CHRM3: variants seen among roughly 807,000 people sequenced by gnomAD.
The protein encoded by CHRM3 is muscarinic acetylcholine receptor M3.
In CHRM3, 11 loss-of-function variants were observed where a neutral mutation model predicts 41.8. The observed-to-expected ratio is 0.26, with a 90% CI of 0.17 to 0.44. The LOEUF is 0.44. Ranked by LOEUF, CHRM3 falls within the 20% of genes least tolerant of loss-of-function variation. The pLI is 1.00. For missense variants in CHRM3, 571 were observed against 745.4 expected, an observed-to-expected ratio of 0.77 and a Z score of 2.72; for synonymous variants, 297 against 301.4, an observed-to-expected ratio of 0.99 and a Z score of 0.15.
intron 1 of CHRM3, among the ~76,000 whole-genome samples, chr1:239,425,637 G>A (rs73114779): frequency 1.8e-3 from 281 of 152,218 alleles, no homozygotes; most frequent in African/African-American, 6.5e-3. Flanking sequence ...ATAAAGGCAC[G>A]TGGTAAACGA....
intron 5 of CHRM3, among the ~76,000 whole-genome samples, chr1:239,691,237 T>C (rs1659686131): frequency 6.6e-6 from 1 of 152,182 alleles, no homozygotes; most frequent in African/African-American, 2.4e-5. Context: ...GGCTTTTATT[T>C]GAAACTTGCA....
intron 5 of CHRM3, among the ~76,000 whole-genome samples, chr1:239,750,222 A>G (rs1051396055): frequency 6.6e-6 from 1 of 152,196 alleles, no homozygotes; most frequent in African/African-American, 2.4e-5. Flanking sequence ...GATTTAGTAA[A>G]TGTGTGCAGA....
intron 6 of CHRM3, among the ~76,000 whole-genome samples, chr1:239,886,791 G>C (rs1246843583): frequency 6.6e-6 from 1 of 152,150 alleles, no homozygotes; most frequent in East Asian, 1.9e-4. Context: ...AACGTATGCT[G>C]TGTTCCAGCC....
chr1:239,650,226 ATTC>A (rs1672113812), intron 4 of CHRM3, among the ~76,000 whole-genome samples: 1 of 152,324 alleles, frequency 6.6e-6, no homozygotes, highest in African/African-American at 2.4e-5. Flanking sequence ...TGATTAAATG[ATTC>A]TTCTTATAGG....
chr1:239,884,647 A>G (rs1316345501), intron 6 of CHRM3, among the ~76,000 whole-genome samples: 1 of 152,192 alleles, frequency 6.6e-6, no homozygotes, highest in Non-Finnish European at 1.5e-5. Context: ...TGGGTGGGAA[A>G]GGGTAGGAAA....
chr1:239,430,779 TG>T lies in CHRM3; in HGVS notation c.-521+43553del, dbSNP rs1326750977. Among the ~76,000 whole-genome samples, 7 of 150,066 alleles carry T rather than the reference TG, an allele frequency of 4.7e-5. No individual in the cohort carries two copies. In the East Asian group the frequency reaches 1.4e-3, roughly 29 times the overall value. ...AGAGTCTGATTAGAGTTTAGCTTTT[TG>T]CTTTTTTTTTTTGGCATTTCTTTTT... On this transcript the variant is annotated intron_variant, in intron 1 of 6. Transcript: ENST00000676153.
At chr1:239,901,241 C>A (rs571247054) in intron 6 of CHRM3, among the ~76,000 whole-genome samples, 1 of 152,216 alleles carries the variant, frequency 6.6e-6, no homozygotes, top group African/African-American at 2.4e-5. Flanking sequence ...GAGTGTAAGG[C>A]AAGATTCCAA....
At chr1:239,794,173 A>G (rs376961489) in intron 5 of CHRM3, among the ~76,000 whole-genome samples, 50 of 152,134 alleles carry the variant, frequency 3.3e-4, no homozygotes, top group African/African-American at 1.1e-3. Context: ...AATTTTGAGT[A>G]GAGAGTATAG....
Position 239,525,810 on chromosome 1 carries a change from A to T in CHRM3, c.-421-19831A>T, listed in dbSNP as rs367984537. On this transcript the variant is annotated intron_variant, in intron 2 of 6. Transcript: ENST00000676153. ...TGGAACAAGGGCATGTAGGCAAAAG[A>T]TGTAAATGCTTTCCACAGCCTGTTG... Among the ~76,000 whole-genome samples, 4 of 152,348 alleles carry T rather than the reference A, an allele frequency of 2.6e-5. No homozygotes were observed. In the East Asian group the frequency reaches 5.8e-4, roughly 22 times the overall value.
intron 5 of CHRM3, among the ~76,000 whole-genome samples, chr1:239,742,838 C>T (rs755410860): frequency 1.4e-4 from 21 of 152,206 alleles, no homozygotes; most frequent in Non-Finnish European, 2.2e-4. Flanking sequence ...CACTCAGAAA[C>T]CATGACCTCG....
rs1553292122 is a variant in CHRM3, at chr1:239,399,736, C to CATTCTTCTGTTGATAGACATTT, written c.-521+12528_-521+12529insTTTATTCTTCTGTTGATAGACA. ...GTATATATACCACATTTTCTTTCTC[C>CATTCTTCTGTTGATAGACATTT]ATTCTTCTGTTGATAGACACTTAGT... On this transcript the variant is annotated intron_variant, in intron 1 of 6. Transcript: ENST00000676153. Among the ~76,000 whole-genome samples, 231 of 150,954 alleles carry CATTCTTCTGTTGATAGACATTT rather than the reference C, an allele frequency of 1.5e-3. 1 individual carries two copies. Among genetic ancestry groups the CATTCTTCTGTTGATAGACATTT allele is most frequent in the Admixed American group, 3.5e-3 (53 of 15,062 alleles).
intron 1 of CHRM3, among the ~76,000 whole-genome samples, chr1:239,406,331 G>A (rs945710814): frequency 3.3e-5 from 5 of 152,222 alleles, no homozygotes; most frequent in South Asian, 2.1e-4. Flanking sequence ...GCTCCAGGAA[G>A]TATGCAGTTT....
At chr1:239,529,187 A>G (rs1670198664) in intron 2 of CHRM3, among the ~76,000 whole-genome samples, 1 of 152,240 alleles carries the variant, frequency 6.6e-6, no homozygotes, top group Admixed American at 6.5e-5. Context: ...TGGAGGTGAT[A>G]CATCACACCA....
Position 239,849,548 on chromosome 1 carries a change from A to G in CHRM3, c.-20+22170A>G, listed in dbSNP as rs117236977. ...TAATAAAAATATAACATTTGTATCA[A>G]AAGACACAAACGTGTTTTGCTGCAA... is the stretch of plus-strand genomic sequence containing the variant. On this transcript the variant is annotated intron_variant, in intron 6 of 6. Coordinates refer to ENST00000676153, the MANE Select transcript of CHRM3 (RefSeq NM_001375978.1). Among the ~76,000 whole-genome samples, 475 of 152,356 alleles carry G rather than the reference A, an allele frequency of 3.1e-3. 14 individuals carry two copies. The East Asian group carries it at 0.072, about 23-fold the overall frequency.
intron 5 of CHRM3, among the ~76,000 whole-genome samples, chr1:239,720,373 A>G (rs1196629377): frequency 2.0e-5 from 3 of 152,012 alleles, no homozygotes. Context: ...TTTGTCATTT[A>G]GTCAGAAACA....
chr1:239,446,552 T>C (rs1664168902), intron 1 of CHRM3, among the ~76,000 whole-genome samples: 1 of 152,224 alleles, frequency 6.6e-6, no homozygotes, highest in East Asian at 1.9e-4. Flanking sequence ...AAATCCATCA[T>C]GAGCTACCTT....
chr1:239,503,207 C>G (rs765844664), intron 2 of CHRM3, among the ~76,000 whole-genome samples: 107 of 152,078 alleles, frequency 7.0e-4, no homozygotes, highest in Admixed American at 2.0e-3. Flanking sequence ...AAGAACTTGG[C>G]AAAGTTTCTG....
intron 1 of CHRM3, among the ~76,000 whole-genome samples, chr1:239,416,326 G>A (rs778414740): frequency 1.1e-4 from 17 of 151,424 alleles, no homozygotes; most frequent in African/African-American, 2.9e-4. Context: ...TTTCAAACCC[G>A]CCCTTGATTG....
chr1:239,646,418 C>T (rs993580237), intron 4 of CHRM3, among the ~76,000 whole-genome samples: 1 of 152,154 alleles, frequency 6.6e-6, no homozygotes, highest in Non-Finnish European at 1.5e-5. Flanking sequence ...ACCAAGTTGT[C>T]ATGGTCTATA....
Sources: gnomAD v4.1 joint callset for allele counts (sites outside exome capture counted in the v4.1 genomes callset) on GRCh38, gnomAD v4.1.1 for gene constraint, MANE v1.5 for transcripts, NCBI Gene and HGNC (gene_info 2026-07-23, HGNC 2026-07-21) for gene names.